EBF1: variants seen among roughly 807,000 people sequenced by gnomAD.
The protein encoded by EBF1 is transcription factor COE1.
Under a neutral mutation model 68.4 loss-of-function variants are expected in EBF1, and 10 were observed. The ratio of observed to expected loss-of-function variants is 0.15; its 90% CI spans 0.09 to 0.25. The LOEUF (loss-of-function observed/expected upper bound fraction) is 0.25. Among genes scored for constraint, EBF1 ranks in the 10% least tolerant of loss-of-function variants. EBF1 has a pLI of 1.00. For missense variants in EBF1, 509 were observed against 794.4 expected, an observed-to-expected ratio of 0.64 and a Z score of 4.32; for synonymous variants, 298 against 299.8, an observed-to-expected ratio of 0.99 and a Z score of 0.06.
chr5:158,847,900 A>G (rs1045676021), intron 6 of EBF1, among the ~76,000 whole-genome samples: 2 of 152,206 alleles, frequency 1.3e-5, no homozygotes, highest in Non-Finnish European at 2.9e-5. Flanking sequence ...GCACTTCTGG[A>G]TTACTGGTGT....
chr5:158,806,765 C>T (rs1050593216), intron 8 of EBF1, among the ~76,000 whole-genome samples: 2 of 152,064 alleles, frequency 1.3e-5, no homozygotes, highest in Non-Finnish European at 2.9e-5. Flanking sequence ...GAAGTAGATG[C>T]CCCTAGGTGA....
At chr5:159,047,494 T>C (rs1397988859) in intron 6 of EBF1, among the ~76,000 whole-genome samples, 1 of 151,968 alleles carries the variant, frequency 6.6e-6, no homozygotes, top group African/African-American at 2.4e-5. Flanking sequence ...GGGACAGAGC[T>C]GAGAGATAAC....
At chr5:158,872,167 C>A (rs1796986701) in intron 6 of EBF1, among the ~76,000 whole-genome samples, 1 of 151,992 alleles carries the variant, frequency 6.6e-6, no homozygotes, top group South Asian at 2.1e-4. Flanking sequence ...ACTTTCCTAT[C>A]TACCCAAGTA....
Position 158,882,128 on chromosome 5 carries a change from T to C in EBF1, c.555-42018A>G, listed in dbSNP as rs1191764725. Among the ~76,000 whole-genome samples the C allele has an allele frequency of 2.0e-5, 3 of 152,226 alleles. No individual in the cohort carries two copies. In the East Asian group the frequency reaches 5.8e-4, roughly 29 times the overall value. ...ACTATTTCACAGTTCAGCTATGACA[T>C]TATTAACCTACTGTGCAAGGATTTT... On this transcript the variant is annotated intron_variant, in intron 6 of 15. Coordinates refer to ENST00000313708, the MANE Select transcript of EBF1 (RefSeq NM_024007.5).
chr5:158,842,568 C>G (rs1323592781), intron 6 of EBF1, among the ~76,000 whole-genome samples: 4 of 152,202 alleles, frequency 2.6e-5, no homozygotes, highest in Admixed American at 1.3e-4. Flanking sequence ...GGATAAGGAG[C>G]TGAACTTCTC....
In EBF1 at chr5:158,956,754, C is replaced by CTTTTTT. The variant is rs397883009; in HGVS notation, c.554+116636_554+116641dup. Reference sequence around the variant, plus strand: ...CCCACTACCTCTGCCACCAACACTTCTTTTTTTTTTTTTTTTTTTTTTGAG... The same window carrying CTTTTTT: ...CCCACTACCTCTGCCACCAACACTTCTTTTTTTTTTTTTTTTTTTTTTTTTTTTGAG... On this transcript the variant is annotated intron_variant, in intron 6 of 15. Coordinates refer to ENST00000313708, the MANE Select transcript of EBF1 (RefSeq NM_024007.5). Among the ~76,000 whole-genome samples, 16 of 112,836 alleles carry CTTTTTT rather than the reference C, an allele frequency of 1.4e-4. 1 individual carries two copies. Among genetic ancestry groups the CTTTTTT allele is most frequent in the Non-Finnish European group, 1.8e-4 (10 of 56,428 alleles). 74.0% of individuals were successfully genotyped at this position (112,836 alleles called of 152,430 possible). A position where few individuals can be genotyped will look rare whatever the true frequency, so the allele number is the denominator to read the frequency against.
At chr5:158,971,731 T>C (rs561861651) in intron 6 of EBF1, among the ~76,000 whole-genome samples, 33 of 152,272 alleles carry the variant, frequency 2.2e-4, no homozygotes, top group Admixed American at 1.8e-3. Context: ...AGATTTTTAC[T>C]GTGGCCTCTA....
At chr5:159,067,138 C>T (rs1319869214) in intron 6 of EBF1, among the ~76,000 whole-genome samples, 1 of 152,230 alleles carries the variant, frequency 6.6e-6, no homozygotes. Context: ...TGGAGAGTTA[C>T]ACTTGGAGAG....
intron 6 of EBF1, among the ~76,000 whole-genome samples, chr5:158,955,472 C>T (rs2127517092): frequency 6.6e-6 from 1 of 152,278 alleles, no homozygotes; most frequent in South Asian, 2.1e-4. Context: ...TTCATATCAA[C>T]AATGGCCATA....
At chr5:158,886,227 G>C (rs1202050759) in intron 6 of EBF1, among the ~76,000 whole-genome samples, 2 of 152,246 alleles carry the variant, frequency 1.3e-5, no homozygotes, top group African/African-American at 2.4e-5. Context: ...TGGAAAAGCT[G>C]TGTGGACCAG....
chr5:158,734,376 A>T (rs1764733729), intron 10 of EBF1, among the ~76,000 whole-genome samples: 1 of 152,160 alleles, frequency 6.6e-6, no homozygotes, highest in Non-Finnish European at 1.5e-5. Context: ...ATGCTTTAAG[A>T]GGGGTCTGTA....
intron 8 of EBF1, among the ~76,000 whole-genome samples, chr5:158,800,525 G>C (rs1780392443): frequency 6.6e-6 from 1 of 152,146 alleles, no homozygotes; most frequent in African/African-American, 2.4e-5. Context: ...AGTAGCAGCA[G>C]AACATTTAAT....
At chr5:158,880,479 A>C (rs1012474240) in intron 6 of EBF1, among the ~76,000 whole-genome samples, 1 of 152,164 alleles carries the variant, frequency 6.6e-6, no homozygotes. Context: ...ACGCTGGTAC[A>C]TTCCCACACT....
chr5:158,707,290 AC>A (rs764520042), intron 15 of EBF1, among the ~76,000 whole-genome samples: 2 of 152,160 alleles, frequency 1.3e-5, no homozygotes, highest in Non-Finnish European at 2.9e-5. Flanking sequence ...AAGGTGGGTA[AC>A]CTTTTATTCT....
At chr5:158,894,269 C>A (rs1349391871) in intron 6 of EBF1, among the ~76,000 whole-genome samples, 2 of 151,626 alleles carry the variant, frequency 1.3e-5, no homozygotes, top group Non-Finnish European at 2.9e-5. Flanking sequence ...CAATATTATT[C>A]TTTGAATCAA....
intron 6 of EBF1, among the ~76,000 whole-genome samples, chr5:158,846,220 T>C (rs1791494063): frequency 6.6e-6 from 1 of 152,158 alleles, no homozygotes; most frequent in Non-Finnish European, 1.5e-5. Context: ...CCCTTCTGTG[T>C]GAAGTTCAAG....
rs763193534 is a variant in EBF1, at chr5:158,696,631, GTTT to G, written c.*2477_*2479del. ...GCGTCCACCTTGCTTACATTTTCCA[GTTT>G]TTTTTATTATTATTAGTCATCATTA... On this transcript the variant is annotated 3_prime_UTR_variant, in exon 16 of 16. Transcript: ENST00000313708. 3.3e-5 allele frequency: 7 copies of G among 214,266 alleles called. No individual in the cohort carries two copies. Among genetic ancestry groups the G allele is most frequent in the Non-Finnish European group, 6.6e-5 (7 of 106,206 alleles). 13.3% of individuals were successfully genotyped at this position (214,266 alleles called of 1,614,324 possible). A position where few individuals can be genotyped will look rare whatever the true frequency, so the allele number is the denominator to read the frequency against.
intron 8 of EBF1, among the ~76,000 whole-genome samples, chr5:158,803,260 C>A (rs1206765683): frequency 6.6e-6 from 1 of 151,668 alleles, no homozygotes; most frequent in Non-Finnish European, 1.5e-5. Context: ...TTGGGAGAAA[C>A]GGAGAGACTA....
chr5:158,802,455 G>A (rs1291526843), intron 8 of EBF1, among the ~76,000 whole-genome samples: 1 of 151,976 alleles, frequency 6.6e-6, no homozygotes, highest in Non-Finnish European at 1.5e-5. Flanking sequence ...CATTACATAT[G>A]GTGTAGGAAA....
Sources: gnomAD v4.1 joint callset for allele counts (sites outside exome capture counted in the v4.1 genomes callset) on GRCh38, gnomAD v4.1.1 for gene constraint, MANE v1.5 for transcripts, NCBI Gene and HGNC (gene_info 2026-07-23, HGNC 2026-07-21) for gene names.